Variants in PTPRD observed in about 807,000 individuals in gnomAD.
The protein encoded by PTPRD is receptor-type tyrosine-protein phosphatase delta.
In PTPRD, 34 loss-of-function variants were observed where a neutral mutation model predicts 214.5. That is an observed-to-expected ratio of 0.16 (90% CI 0.12 to 0.21). The LOEUF (loss-of-function observed/expected upper bound fraction) is 0.21. Ranked by LOEUF, PTPRD falls within the 10% of genes least tolerant of loss-of-function variation. The pLI, the probability that PTPRD is intolerant of heterozygous loss-of-function variation, is 1.00. For missense variants in PTPRD, 2,545 were observed against 2,398.7 expected (o/e 1.06, Z -1.27); for synonymous variants, 1,128 against 845.7 (o/e 1.33, Z -5.79).
At chr9:8,577,814 G>C (rs538132180) in intron 14 of PTPRD, among the ~76,000 whole-genome samples, 90 of 152,228 alleles carry the variant, frequency 5.9e-4, no homozygotes, top group Non-Finnish European at 1.0e-3. Flanking sequence ...CCCTACTCAA[G>C]ACCCGCTGAA....
chr9:10,068,991 C>T (rs754206567), intron 3 of PTPRD, among the ~76,000 whole-genome samples: 3 of 152,014 alleles, frequency 2.0e-5, no homozygotes, highest in Non-Finnish European at 2.9e-5. Context: ...GTTTGTTTAT[C>T]ATTATAATCT....
At chr9:8,706,640 G>A (rs1200532501) in intron 12 of PTPRD, among the ~76,000 whole-genome samples, 1 of 152,198 alleles carries the variant, frequency 6.6e-6, no homozygotes, top group Non-Finnish European at 1.5e-5. Flanking sequence ...AGAGATGCGT[G>A]AGCATATGCC....
At chr9:9,104,106 C>A (rs1294445763) in intron 10 of PTPRD, among the ~76,000 whole-genome samples, 1 of 152,100 alleles carries the variant, frequency 6.6e-6, no homozygotes, top group East Asian at 1.9e-4. Context: ...CCTGGCTTGG[C>A]AAATTTTTCT....
At chr9:9,203,364 A>C (rs2099943003) in intron 9 of PTPRD, among the ~76,000 whole-genome samples, 1 of 152,148 alleles carries the variant, frequency 6.6e-6, no homozygotes, top group Non-Finnish European at 1.5e-5. Context: ...ACTTTATTCC[A>C]TTTTAAAACC....
chr9:8,919,075 A>G (rs1473863505), intron 11 of PTPRD, among the ~76,000 whole-genome samples: 2 of 152,174 alleles, frequency 1.3e-5, no homozygotes, highest in East Asian at 3.9e-4. Flanking sequence ...TCTCTATAAT[A>G]CTGCAAAGTC....
At chr9:9,803,921 G>A (rs796720274) in intron 5 of PTPRD, 2 of 152,074 alleles carry the variant, frequency 1.3e-5, no homozygotes, top group Non-Finnish European at 2.9e-5. Flanking sequence ...TTTGTTTAGT[G>A]TTTCACTATC....
chr9:8,519,211 G>C (rs1240041047), intron 20 of PTPRD, among the ~76,000 whole-genome samples: 1 of 152,024 alleles, frequency 6.6e-6, no homozygotes, highest in East Asian at 1.9e-4. Flanking sequence ...GTATGTTATG[G>C]TCATATTAAT....
intron 10 of PTPRD, among the ~76,000 whole-genome samples, chr9:9,095,138 A>G (rs1454905523): frequency 1.3e-5 from 2 of 152,146 alleles, no homozygotes; most frequent in Non-Finnish European, 2.9e-5. Flanking sequence ...AAAAAACCCT[A>G]TAGCTAATTT....
chr9:9,654,241 A>T (rs1433368306), intron 7 of PTPRD, among the ~76,000 whole-genome samples: 1 of 152,174 alleles, frequency 6.6e-6, no homozygotes, highest in Non-Finnish European at 1.5e-5. Flanking sequence ...TATCTTTAGT[A>T]AGAGTGAGAA....
chr9:8,678,261 C>A (rs1476392378), intron 12 of PTPRD, among the ~76,000 whole-genome samples: 2 of 152,150 alleles, frequency 1.3e-5, no homozygotes, highest in Admixed American at 1.3e-4. Context: ...GTCCTTACGA[C>A]CCCGGGAGTC....
intron 9 of PTPRD, among the ~76,000 whole-genome samples, chr9:9,274,034 T>C (rs1313789000): frequency 1.3e-5 from 2 of 151,238 alleles, no homozygotes; most frequent in Non-Finnish European, 3.0e-5. Context: ...AAAATGAAAC[T>C]GCCTCTTTTA....
intron 8 of PTPRD, among the ~76,000 whole-genome samples, chr9:9,488,899 C>G (rs2095780505): frequency 6.6e-6 from 1 of 152,032 alleles, no homozygotes; most frequent in South Asian, 2.1e-4. Flanking sequence ...CAAAAAGAAC[C>G]CCATTCTCCA....
At chr9:10,550,193 T>C (rs1179190111) in intron 2 of PTPRD, among the ~76,000 whole-genome samples, 6 of 152,248 alleles carry the variant, frequency 3.9e-5, no homozygotes, top group Non-Finnish European at 5.9e-5. Flanking sequence ...CAGTTTCCTA[T>C]TCCAAACATT....
At chr9:9,178,964 T>C (rs754450152) in intron 10 of PTPRD, among the ~76,000 whole-genome samples, 2 of 152,110 alleles carry the variant, frequency 1.3e-5, no homozygotes, top group South Asian at 2.1e-4. Context: ...GAGACCTGAA[T>C]ATGTTCCTGC....
At chr9:8,642,923 A>G (rs72698288) in intron 12 of PTPRD, among the ~76,000 whole-genome samples, 6,597 of 152,098 alleles carry the variant, frequency 0.043, 430 homozygotes, top group African/African-American at 0.14. Flanking sequence ...AAGTTGATGT[A>G]TCATTGCTTA....
intron 2 of PTPRD, among the ~76,000 whole-genome samples, chr9:10,357,977 A>T (rs1285519599): frequency 6.6e-6 from 1 of 152,202 alleles, no homozygotes; most frequent in Non-Finnish European, 1.5e-5. Context: ...AAATAGCAAT[A>T]ATGATATATC....
chr9:8,423,922 GCCCAA>G (rs1186180327), intron 35 of PTPRD, among the ~76,000 whole-genome samples: 1 of 152,006 alleles, frequency 6.6e-6, no homozygotes, highest in East Asian at 1.9e-4. Flanking sequence ...ATTATTTCTA[GCCCAA>G]CTAATCAAAT....
At chr9:9,618,187 T>A (rs2095019577) in intron 7 of PTPRD, among the ~76,000 whole-genome samples, 1 of 144,968 alleles carries the variant, frequency 6.9e-6, no homozygotes, top group South Asian at 2.3e-4. Flanking sequence ...AAGGAAAAGC[T>A]AATGTCACAT....
intron 25 of PTPRD, among the ~76,000 whole-genome samples, chr9:8,498,068 T>C (rs1379619372): frequency 1.3e-5 from 2 of 152,042 alleles, no homozygotes; most frequent in South Asian, 4.1e-4. Flanking sequence ...CCCTTTCCAG[T>C]GTTGAAGGGG....
Sources: allele counts gnomAD v4.1 joint callset (sites outside exome capture counted in the v4.1 genomes callset), GRCh38; gene constraint gnomAD v4.1.1; transcripts MANE v1.5; gene names NCBI Gene and HGNC (gene_info 2026-07-23, HGNC 2026-07-21).